Variants in CYP46A1 observed in about 807,000 individuals in gnomAD.
CYP46A1 encodes cholesterol 24-hydroxylase.
A neutral mutation model predicts 63.3 loss-of-function variants in CYP46A1; 20 were observed. That is an observed-to-expected ratio of 0.32 (90% CI 0.22 to 0.46). The LOEUF (loss-of-function observed/expected upper bound fraction) is 0.46. Among genes scored for constraint, CYP46A1 ranks in the 20% least tolerant of loss-of-function variants. The probability of loss-of-function intolerance (pLI) is 1.00; values close to 1 mark genes in which losing one functional copy is unlikely to be tolerated. For synonymous variants in CYP46A1, 268 were observed against 273.6 expected, an observed-to-expected ratio of 0.98 and a Z score of 0.20; for missense variants, 445 against 670.8, an observed-to-expected ratio of 0.66 and a Z score of 3.72.
At chr14:99,716,088 G>T (rs779058321) in intron 8 of CYP46A1, 49 bp from the exon 9 acceptor site, 3 of 1,612,878 alleles carry the variant, frequency 1.9e-6, no homozygotes, top group African/African-American at 1.3e-5. Flanking sequence ...GAGCCATGGG[G>T]AAAGGGAGCA....
chr14:99,707,638 T>C lies in CYP46A1; in HGVS notation c.653T>C (p.Met218Thr), dbSNP rs766557064. 4.3e-6 allele frequency: 7 copies of C among 1,614,086 alleles called. No homozygotes were observed. Among genetic ancestry groups the C allele is most frequent in the South Asian group, 1.1e-5 (1 of 91,088 alleles). Reference protein sequence around the residue: ...QKPLSQAVKLMLEGITASRNT... With the variant: ...QKPLSQAVKLTLEGITASRNT... ...CCTCTGTCCCAGGCAGTGAAACTTA[T>C]GTTGGAGGGAATCACTGCGTCCCGC... The change falls in exon 7 of 15, where the codon ATG (methionine) becomes ACG (threonine). Residue 218 changes from methionine (M) to threonine (T), a missense_variant. Transcript: ENST00000261835.
chr14:99,699,976 C>T, intron 4 of CYP46A1, 39 bp from the exon 5 acceptor site: 2 of 527,198 alleles, frequency 3.8e-6, no homozygotes, highest in South Asian at 2.0e-5. Context: ...CTCCCCACCC[C>T]CCACCCTCTT....
intron 3 of CYP46A1, among the ~76,000 whole-genome samples, chr14:99,698,279 G>A (rs1180026434): frequency 6.6e-6 from 1 of 151,998 alleles, no homozygotes; most frequent in Non-Finnish European, 1.5e-5. Context: ...CTGCCTGAAT[G>A]TACCAGGGGA....
rs1346386485 is a variant in CYP46A1 at position 99,722,081 on chromosome 14, TG to T, written c.1176+20del. On this transcript the variant is annotated intron_variant, in intron 12 of 14. Coordinates refer to ENST00000261835, the MANE Select transcript of CYP46A1 (RefSeq NM_006668.2). This position sits in a 1 kb window ranked among gnomAD's most constrained non-coding sequence, Gnocchi z 4.6. Reference sequence around the variant, plus strand: ...CCCCGCTCTTGGTGGGTGGAGGCCCTGGGGGTCCTGGGGTGGGCTGGGCTGC... The same window carrying T: ...CCCCGCTCTTGGTGGGTGGAGGCCCTGGGGTCCTGGGGTGGGCTGGGCTGC... 2 of 1,592,414 alleles carry T rather than the reference TG, an allele frequency of 1.3e-6. No homozygotes were observed. The highest frequency in any genetic ancestry group is 1.1e-5 in the South Asian group (1 of 90,638).
rs755299289 is a variant in CYP46A1 at position 99,699,476 on chromosome 14, T to C, written c.293T>C (p.Met98Thr). 5.0e-6 allele frequency: 8 copies of C among 1,614,152 alleles called. No individual in the cohort carries two copies. Among genetic ancestry groups the C allele is most frequent in the Non-Finnish European group, 6.8e-6 (8 of 1,180,022 alleles). The change falls in exon 4 of 15, where the codon ATG becomes ACG. Residue 98 changes from methionine (M) to threonine (T), a missense_variant. Around this residue, in one of 4 missense-constraint regions of CYP46A1, gnomAD observed 252 missense variants for 383.3 expected, o/e 0.66. Transcript: ENST00000261835. ...TSPESVKKFL[M>T]STKYNKDSKM... ...TTTGGGGATATTTAGAAGTTCCTGA[T>C]GTCAACCAAGTACAACAAGGACTCC... is the stretch of plus-strand genomic sequence containing the variant.
In CYP46A1 at chr14:99,726,790, C is replaced by T; in HGVS notation, c.*63C>T. On this transcript the variant is annotated 3_prime_UTR_variant, in exon 15 of 15. Coordinates refer to ENST00000261835, the MANE Select transcript of CYP46A1 (RefSeq NM_006668.2). ...GCCGTGCCCGCCCACCTCTGCTGCC[C>T]ACGGCCACCCACCCTTCTCCCCTGC... 7.5e-7 allele frequency: 1 copy of T among 1,327,586 alleles called. No individual in the cohort carries two copies. The highest frequency in any genetic ancestry group is 1.0e-6 in the Non-Finnish European group (1 of 996,808). The allele number at this position is 1,327,586 out of a possible 1,614,324, so 82.2% of individuals were successfully genotyped here. A position where few individuals can be genotyped will look rare whatever the true frequency, so the allele number is the denominator to read the frequency against.
At chr14:99,705,677 A>T (rs111574998) in intron 5 of CYP46A1, among the ~76,000 whole-genome samples, 5,693 of 152,346 alleles carry the variant, frequency 0.037, 351 homozygotes, top group African/African-American at 0.12. Flanking sequence ...CTGTAATCCC[A>T]GCACTTTGGG....
At position 99,716,101 on chromosome 14, in the gene CYP46A1, G is replaced by T; in HGVS notation, c.845-36G>T. ...ATGAGCCATGGGGAAAGGGAGCAAA[G>T]ATTTGCTGGGAACTGAGACTCTCCT... On this transcript the variant is annotated intron_variant, in intron 8 of 14. Coordinates refer to ENST00000261835, the MANE Select transcript of CYP46A1 (RefSeq NM_006668.2). 4 of 1,613,526 alleles carry T rather than the reference G, an allele frequency of 2.5e-6. No homozygotes were observed. The South Asian group carries it at 4.4e-5, about 18-fold the overall frequency.
At chr14:99,708,084 C>T in intron 7 of CYP46A1, 1 of 263,056 alleles carries the variant, frequency 3.8e-6, no homozygotes, top group East Asian at 1.1e-4. Context: ...GGGAACCAAT[C>T]TGCCCCACCC....
Position 99,726,869 on chromosome 14 carries a change from G to T in CYP46A1, c.*142G>T, listed in dbSNP as rs548961533. 194 of 654,324 alleles carry T rather than the reference G, an allele frequency of 3.0e-4. 1 individual carries two copies. The South Asian group carries it at 3.8e-3, about 13-fold the overall frequency. The allele number at this position is 654,324 out of a possible 1,614,324, so 40.5% of individuals were successfully genotyped here. ...GCTTCCAGCGGGCCCTCTGCCGACC[G>T]CCTGCTTCACACCCCTCAGCGCTCC... On this transcript the variant is annotated 3_prime_UTR_variant, in exon 15 of 15. Coordinates refer to ENST00000261835, the MANE Select transcript of CYP46A1 (RefSeq NM_006668.2).
In CYP46A1 at chr14:99,684,347, G is replaced by C. The variant is rs941183273; in HGVS notation, c.-71G>C. ...GGCGGCGCGCGGCGCTGACAGCTGA[G>C]TCGGCTCGCGGCCTCCCGGCCCCCT... On this transcript the variant is annotated 5_prime_UTR_variant, in exon 1 of 15. Transcript: ENST00000261835. The C allele has an allele frequency of 1.0e-6, 1 of 974,444 alleles. No homozygotes were observed. The highest frequency in any genetic ancestry group is 1.3e-6 in the Non-Finnish European group (1 of 758,790). 60.4% of individuals were successfully genotyped at this position (974,444 alleles called of 1,614,324 possible).
At chr14:99,698,021 T>C (rs188323568) in intron 3 of CYP46A1, among the ~76,000 whole-genome samples, 32 of 152,226 alleles carry the variant, frequency 2.1e-4, no homozygotes, top group African/African-American at 6.3e-4. Context: ...ATGACAGTGT[T>C]TGGGTTACAT....
At position 99,700,213 on chromosome 14, in the gene CYP46A1, G is replaced by T. The variant is rs1023936745; in HGVS notation, c.443+112G>T. 11 of 641,916 alleles carry T rather than the reference G, an allele frequency of 1.7e-5. No homozygotes were observed. In the African/African-American group the frequency reaches 2.0e-4, roughly 12 times the overall value. 39.8% of individuals were successfully genotyped at this position (641,916 alleles called of 1,614,324 possible). A position where few individuals can be genotyped will look rare whatever the true frequency, so the allele number is the denominator to read the frequency against. On this transcript the variant is annotated intron_variant, in intron 5 of 14. Coordinates refer to ENST00000261835, the MANE Select transcript of CYP46A1 (RefSeq NM_006668.2). Reference sequence around the variant, plus strand: ...TGTCCACCCAAGGGGGCCTCCCTCAGCTGAAGGGAGAGAGGAAAAAGGGGA... The same window carrying T: ...TGTCCACCCAAGGGGGCCTCCCTCATCTGAAGGGAGAGAGGAAAAAGGGGA...
At chr14:99,688,580 C>T (rs978165111) in intron 1 of CYP46A1, among the ~76,000 whole-genome samples, 3 of 152,154 alleles carry the variant, frequency 2.0e-5, no homozygotes, top group South Asian at 4.1e-4. Flanking sequence ...AGCACCCCCA[C>T]CTCCAAATCA....
chr14:99,685,093 C>G (rs1433863057), intron 1 of CYP46A1, among the ~76,000 whole-genome samples: 4 of 35,460 alleles, frequency 1.1e-4, no homozygotes, highest in Admixed American at 3.1e-4. Flanking sequence ...TGCCAACCCC[C>G]CCCCACCCCC....
chr14:99,727,028 C>T lies in CYP46A1; in HGVS notation c.*301C>T, dbSNP rs908897355. The T allele has an allele frequency of 2.8e-6, 1 of 360,484 alleles. No homozygotes were observed. 22.3% of individuals were successfully genotyped at this position (360,484 alleles called of 1,614,324 possible). ...AGACACCCTAACTCTTGCTCACTCC[C>T]TAAAGCCCTCTTCAGGGGTCACCTC... On this transcript the variant is annotated 3_prime_UTR_variant, in exon 15 of 15. Coordinates refer to ENST00000261835, the MANE Select transcript of CYP46A1 (RefSeq NM_006668.2).
At chr14:99,684,567 G>T (rs747630274) in intron 1 of CYP46A1, 31 bp downstream of exon 1, 1 of 1,429,384 alleles carries the variant, frequency 7.0e-7, no homozygotes, top group South Asian at 1.4e-5. Context: ...GGCCTGGCTG[G>T]GGTGCTGGGA....
chr14:99,725,509 G>A lies in CYP46A1; in HGVS notation c.1265+30G>A, dbSNP rs1455528258. 1.3e-6 allele frequency: 2 copies of A among 1,548,188 alleles called. No homozygotes were observed. Among genetic ancestry groups the A allele is most frequent in the East Asian group, 4.5e-5 (2 of 44,548 alleles). ...GTCCCTCCTGGAGCTGCCCATGAGTGGGGCTGGCGGGAGAAGGACAGACAC... is the reference window on the plus strand; with the variant it reads ...GTCCCTCCTGGAGCTGCCCATGAGTAGGGCTGGCGGGAGAAGGACAGACAC... On this transcript the variant is annotated intron_variant, in intron 13 of 14. Coordinates refer to ENST00000261835, the MANE Select transcript of CYP46A1 (RefSeq NM_006668.2). The surrounding 1 kb of genome is among the most constrained non-coding windows in gnomAD (Gnocchi z 4.2).
rs2056903842 is a variant in CYP46A1 at position 99,726,685 on chromosome 14, GC to G, written c.1465del (p.Arg489AlafsTer95). On this transcript the variant is annotated frameshift_variant, in exon 15 of 15. Transcript: ENST00000261835. LOFTEE classifies it high-confidence loss of function. ...PLDPVLCTLR[P>X]RGWQPAPPPP... Reference sequence around the variant, plus strand: ...TGGACCCCGTGCTGTGCACCCTGCGGCCCCGCGGCTGGCAGCCCGCACCCCC... The same window carrying G: ...TGGACCCCGTGCTGTGCACCCTGCGGCCCGCGGCTGGCAGCCCGCACCCCC... 1 of 1,548,870 alleles carries G rather than the reference GC, an allele frequency of 6.5e-7. No individual in the cohort carries two copies. Among genetic ancestry groups the G allele is most frequent in the Non-Finnish European group, 8.7e-7 (1 of 1,146,344 alleles).
Sources: gnomAD v4.1 joint callset for allele counts (sites outside exome capture counted in the v4.1 genomes callset) on GRCh38, gnomAD v4.1.1 for gene constraint, gnomAD v4.1.1 regional missense constraint, Gnocchi (gnomAD v3.1) non-coding constraint, MANE v1.5 for transcripts, NCBI Gene and HGNC (gene_info 2026-07-23, HGNC 2026-07-21) for gene names.